CUBN: variants seen among roughly 807,000 people sequenced by gnomAD.
CUBN encodes the protein cubilin, also known as 460 kDa receptor.
CUBN carries 282 observed loss-of-function variants against 405.3 expected under a neutral mutation model. That is an observed-to-expected ratio of 0.70 (90% CI 0.63 to 0.77). The LOEUF (loss-of-function observed/expected upper bound fraction) is 0.77. Ranked by LOEUF, CUBN falls within the 30% of genes least tolerant of loss-of-function variation. The probability of loss-of-function intolerance (pLI) is 0.00; values close to 1 mark genes in which losing one functional copy is unlikely to be tolerated. For synonymous variants in CUBN, 1,684 were observed against 1,617.0 expected, an observed-to-expected ratio of 1.04 and a Z score of -0.99; for missense variants, 4,514 against 4,475.2, an observed-to-expected ratio of 1.01 and a Z score of -0.25.
chr10:17,039,975 AAT>A (rs1260480717), intron 27 of CUBN, among the ~76,000 whole-genome samples: 2 of 152,194 alleles, frequency 1.3e-5, no homozygotes, highest in Non-Finnish European at 2.9e-5. Flanking sequence ...CTATTTGGAA[AAT>A]ATATGTTAAC....
intron 1 of CUBN, 100 bp downstream of exon 1, chr10:17,129,544 T>C: frequency 6.7e-7 from 1 of 1,487,176 alleles, no homozygotes; most frequent in Non-Finnish European, 9.4e-7. Flanking sequence ...AACATAATTT[T>C]CCTCAAGAAA....
chr10:17,097,829 T>G (rs1445622875), intron 14 of CUBN, among the ~76,000 whole-genome samples: 7 of 152,158 alleles, frequency 4.6e-5, no homozygotes, highest in Non-Finnish European at 7.4e-5. Flanking sequence ...CATTCATGAT[T>G]TTTTAAAATT....
chr10:16,962,801 A>G (rs965446915), intron 31 of CUBN, among the ~76,000 whole-genome samples: 8 of 152,160 alleles, frequency 5.3e-5, no homozygotes, highest in African/African-American at 1.7e-4. Context: ...CCCTGTGTAC[A>G]TTCACATGAG....
At position 16,825,065 on chromosome 10, in the gene CUBN, G is replaced by T. The variant is rs1198383771; in HGVS notation, c.10782C>A (p.Pro3594=). The change falls in exon 67 of 67, where the codon CCC becomes CCA. Residue 3594 remains proline (P), a synonymous_variant. Coordinates refer to ENST00000377833, the MANE Select transcript of CUBN (RefSeq NM_001081.4). ...AGACCTGATTTGAGGAAGCCACGAA[G>T]GGAGCTATGCTGGTGTCCTAAAATT... is the stretch of plus-strand genomic sequence containing the variant. The part of the protein sequence containing the change: ...PYCGGDTSIA[P]FVASSNQVFI... 6.2e-7 allele frequency: 1 copy of T among 1,613,104 alleles called. No homozygotes were observed. Among genetic ancestry groups the T allele is most frequent in the East Asian group, 2.2e-5 (1 of 44,866 alleles).
chr10:17,039,472 A>G (rs1170668406), intron 27 of CUBN, among the ~76,000 whole-genome samples: 1 of 152,200 alleles, frequency 6.6e-6, no homozygotes, highest in Admixed American at 6.5e-5. Flanking sequence ...CCCACAGTCC[A>G]GTGGGAATCA....
chr10:16,848,125 C>A (rs982056227), intron 60 of CUBN, among the ~76,000 whole-genome samples: 16 of 152,148 alleles, frequency 1.1e-4, no homozygotes, highest in African/African-American at 3.1e-4. Context: ...GAAAATAACT[C>A]CTTGTTTTTG....
At chr10:16,943,516 T>C (rs1842710462) in intron 36 of CUBN, among the ~76,000 whole-genome samples, 1 of 152,206 alleles carries the variant, frequency 6.6e-6, no homozygotes. Context: ...TCAGGCTCAA[T>C]TTTATTACTC....
intron 60 of CUBN, among the ~76,000 whole-genome samples, chr10:16,847,750 A>T (rs1564383341): frequency 6.6e-6 from 1 of 152,226 alleles, no homozygotes; most frequent in Non-Finnish European, 1.5e-5. Context: ...CAGTTACCGT[A>T]ATTACTCTCC....
chr10:17,092,850 T>C (rs1245084833), intron 14 of CUBN, among the ~76,000 whole-genome samples: 1 of 152,220 alleles, frequency 6.6e-6, no homozygotes, highest in Non-Finnish European at 1.5e-5. Flanking sequence ...ACTGCTCTGC[T>C]TATGGAGTAG....
At chr10:16,969,759 T>C (rs1430429588) in intron 31 of CUBN, among the ~76,000 whole-genome samples, 1 of 152,170 alleles carries the variant, frequency 6.6e-6, no homozygotes, top group African/African-American at 2.4e-5. Context: ...TTAGCTTGCC[T>C]CAATTTGGAA....
intron 40 of CUBN, 130 bp downstream of exon 40, chr10:16,932,950 ACTGATGC>A: frequency 2.4e-6 from 2 of 833,304 alleles, no homozygotes; most frequent in Admixed American, 4.0e-5. Context: ...CATTTCTGGT[ACTGATGC>A]CTTCCTTGAC....
chr10:16,901,248 T>G (rs1307379398), intron 52 of CUBN, 90 bp downstream of exon 52: 2 of 1,566,256 alleles, frequency 1.3e-6, no homozygotes, highest in Non-Finnish European at 1.8e-6. Context: ...CTCTAATCAC[T>G]TGCTTAATAA....
chr10:16,971,456 T>C (rs1832931705), intron 31 of CUBN, among the ~76,000 whole-genome samples: 1 of 152,228 alleles, frequency 6.6e-6, no homozygotes, highest in African/African-American at 2.4e-5. Context: ...GTGGGCACAT[T>C]TGGCAAATAT....
chr10:16,933,968 T>G (rs978682020), intron 39 of CUBN, among the ~76,000 whole-genome samples: 8 of 152,150 alleles, frequency 5.3e-5, no homozygotes, highest in African/African-American at 1.9e-4. Context: ...CTTGCCCAGG[T>G]CCTGTGAAGA....
intron 39 of CUBN, among the ~76,000 whole-genome samples, chr10:16,934,205 A>T (rs892217022): frequency 6.6e-6 from 1 of 152,128 alleles, no homozygotes; most frequent in African/African-American, 2.4e-5. Context: ...AGATTCAGTG[A>T]TTTTTCTTGA....
At chr10:17,020,576 G>C (rs975800737) in intron 27 of CUBN, among the ~76,000 whole-genome samples, 6 of 152,004 alleles carry the variant, frequency 3.9e-5, no homozygotes, top group African/African-American at 1.4e-4. Flanking sequence ...TTCGACTAAA[G>C]ACAAACACTG....
chr10:16,920,108 C>CA lies in CUBN; in HGVS notation c.6675dup (p.Ala2226CysfsTer2). On this transcript the variant is annotated frameshift_variant, in exon 44 of 67. Coordinates refer to ENST00000377833, the MANE Select transcript of CUBN (RefSeq NM_001081.4). LOFTEE classifies it high-confidence loss of function. ...GAGGTCACATACCCAGCAGAATCAGCATCATGGATGTAGACGTTGCCCCCA... is the reference window on the plus strand; with the variant it reads ...GAGGTCACATACCCAGCAGAATCAGCAATCATGGATGTAGACGTTGCCCCCA... 6.2e-7 allele frequency: 1 copy of CA among 1,613,982 alleles called. No homozygotes were observed. Among genetic ancestry groups the CA allele is most frequent in the Non-Finnish European group, 8.5e-7 (1 of 1,179,958 alleles).
chr10:16,928,179 G>GC lies in CUBN; in HGVS notation c.6248dup (p.Phe2084LeufsTer52). ...TACTCTTGTGAAAGGATGCATTGAA[G>GC]CCTGCCCTGGTTACACTGGAGTCCG... On this transcript the variant is annotated frameshift_variant, in exon 41 of 67. Coordinates refer to ENST00000377833, the MANE Select transcript of CUBN (RefSeq NM_001081.4). LOFTEE classifies it high-confidence loss of function. 1 of 1,613,908 alleles carries GC rather than the reference G, an allele frequency of 6.2e-7. No homozygotes were observed. The highest frequency in any genetic ancestry group is 2.2e-5 in the East Asian group (1 of 44,876).
intron 54 of CUBN, 61 bp from the exon 55 acceptor site, chr10:16,890,588 C>G: frequency 6.4e-7 from 1 of 1,568,314 alleles, no homozygotes; most frequent in Non-Finnish European, 8.8e-7. Flanking sequence ...TTTTAATGCA[C>G]TTAGGTTTCA....
Sources: gnomAD v4.1 joint callset for allele counts (sites outside exome capture counted in the v4.1 genomes callset) on GRCh38, gnomAD v4.1.1 for gene constraint, MANE v1.5 for transcripts, NCBI Gene and HGNC (gene_info 2026-07-23, HGNC 2026-07-21) for gene names.